GDF1: variants seen among roughly 807,000 people sequenced by gnomAD.
GDF1 encodes the protein embryonic growth/differentiation factor 1.
Under a neutral mutation model 7.4 loss-of-function variants are expected in GDF1, and 8 were observed. That is an observed-to-expected ratio of 1.09 (90% CI 0.64 to 1.96). The LOEUF (loss-of-function observed/expected upper bound fraction) is 1.96. Among genes scored for constraint, GDF1 ranks in the 30% most tolerant of loss-of-function variants. The pLI is 0.00. For missense variants in GDF1, 574 were observed against 551.5 expected (o/e 1.04, Z -0.41); for synonymous variants, 311 against 276.7 (o/e 1.12, Z -1.23).
rs772627907 is a variant in GDF1, at chr19:18,884,118, G to C, written c.-764C>G. 41 of 1,613,538 alleles carry C rather than the reference G, an allele frequency of 2.5e-5. No individual in the cohort carries two copies. Among genetic ancestry groups the C allele is most frequent in the Non-Finnish European group, 3.1e-5 (37 of 1,179,816 alleles). On this transcript the variant is annotated 5_prime_UTR_variant, in exon 3 of 8. Coordinates refer to ENST00000247005, the MANE Select transcript of GDF1 (RefSeq NM_001492.6). ...GCGTAGGAGGAGACGATGAGGATGAGAGTGACCACGTGGTGGAGCAGCATG... is the reference window on the plus strand; with the variant it reads ...GCGTAGGAGGAGACGATGAGGATGACAGTGACCACGTGGTGGAGCAGCATG...
intron 4 of GDF1, 140 bp from the exon 5 acceptor site, chr19:18,879,528 C>T: frequency 3.8e-6 from 4 of 1,044,024 alleles, no homozygotes; most frequent in Non-Finnish European, 4.1e-6. Context: ...TACTACTGCT[C>T]TGTCCTTCCC....
chr19:18,882,359 G>A (rs2056232475), intron 3 of GDF1, among the ~76,000 whole-genome samples: 2 of 151,892 alleles, frequency 1.3e-5, no homozygotes, highest in South Asian at 2.1e-4. Flanking sequence ...CTAACCAGAC[G>A]TGGTGGCTCA....
Position 18,884,205 on chromosome 19 carries a change from A to G in GDF1, c.-851T>C. ...GTAGCGTAGATGGAGTGGCCATAGA[A>G]GCTTCCCTGGAGCAGGTAGGCGGCT... On this transcript the variant is annotated 5_prime_UTR_variant, in exon 3 of 8. Transcript: ENST00000247005. The G allele has an allele frequency of 3.1e-6, 5 of 1,613,474 alleles. No homozygotes were observed. The highest frequency in any genetic ancestry group is 4.2e-6 in the Non-Finnish European group (5 of 1,179,822).
Position 18,878,519 on chromosome 19 carries a change from G to T in GDF1, c.-313+411C>A. The stretch of plus-strand genomic sequence containing the variant: ...AGCCTGGGTTCTCTCTGTGGCCCTT[G>T]GCGTTCCTTCCTCCCCAGCCCCACT... On this transcript the variant is annotated intron_variant, in intron 6 of 7. Transcript: ENST00000247005. The surrounding 1 kb of genome is among the most constrained non-coding windows in gnomAD (Gnocchi z 4.6). The T allele has an allele frequency of 2.0e-6, 2 of 1,017,176 alleles. No homozygotes were observed. The highest frequency in any genetic ancestry group is 2.4e-6 in the Non-Finnish European group (2 of 848,006). 63.0% of individuals were successfully genotyped at this position (1,017,176 alleles called of 1,614,324 possible).
chr19:18,873,840 C>T (rs1438970867), intron 6 of GDF1, among the ~76,000 whole-genome samples: 5 of 132,048 alleles, frequency 3.8e-5, no homozygotes, highest in Admixed American at 7.9e-5. Context: ...GACTCTGTCT[C>T]GAAAAAAAAA....
chr19:18,875,948 C>T (rs2056053254), intron 6 of GDF1, among the ~76,000 whole-genome samples: 1 of 152,228 alleles, frequency 6.6e-6, no homozygotes, highest in South Asian at 2.1e-4. Flanking sequence ...TGATTTTGAA[C>T]ATCTGTCATC....
intron 3 of GDF1, among the ~76,000 whole-genome samples, chr19:18,882,644 T>A (rs1253111503): frequency 1.3e-5 from 2 of 149,196 alleles, no homozygotes; most frequent in African/African-American, 4.9e-5. Context: ...CTCAAAAAAA[T>A]AAGTAAGTAA....
In GDF1 at chr19:18,895,818, A is replaced by G; in HGVS notation, c.-1074+6T>C. 2.4e-6 allele frequency: 3 copies of G among 1,246,858 alleles called. No homozygotes were observed. Among genetic ancestry groups the G allele is most frequent in the Admixed American group, 8.8e-5 (2 of 22,708 alleles). 77.2% of individuals were successfully genotyped at this position (1,246,858 alleles called of 1,614,324 possible). A position where few individuals can be genotyped will look rare whatever the true frequency, so the allele number is the denominator to read the frequency against. On this transcript the variant is annotated splice_donor_region_variant and intron_variant, in intron 1 of 7. Coordinates refer to ENST00000247005, the MANE Select transcript of GDF1 (RefSeq NM_001492.6). The surrounding 1 kb of genome is among the most constrained non-coding windows in gnomAD (Gnocchi z 6.4). ...TCCCCTCGTCCCGGCCCCCGGCCAC[A>G]CTGACCCGAAAGAGGCGCGCAGTGG...
chr19:18,870,670 T>C lies in GDF1; in HGVS notation c.-312-51A>G. On this transcript the variant is annotated intron_variant, in intron 6 of 7. Transcript: ENST00000247005. The surrounding 1 kb of genome is among the most constrained non-coding windows in gnomAD (Gnocchi z 5.1). ...AGCCTGGGAGCCCCACGCGGCCGCC[T>C]GGCCCTCTTTCCCGCTTCTTCTCTG... 1 of 513,082 alleles carries C rather than the reference T, an allele frequency of 1.9e-6. No homozygotes were observed. The highest frequency in any genetic ancestry group is 3.5e-6 in the Non-Finnish European group (1 of 283,422). 31.8% of individuals were successfully genotyped at this position (513,082 alleles called of 1,614,324 possible). A position where few individuals can be genotyped will look rare whatever the true frequency, so the allele number is the denominator to read the frequency against.
At position 18,879,004 on chromosome 19, in the gene GDF1, G is replaced by C. The variant is rs760904047; in HGVS notation, c.-387C>G. ...GCAGGTCCTTCAGCTCGTGCACCTG[G>C]CCTGTCAACACCTTGGCTGCAAACG... On this transcript the variant is annotated 5_prime_UTR_variant, in exon 6 of 8. Transcript: ENST00000247005. The C allele has an allele frequency of 6.8e-6, 11 of 1,613,632 alleles. No individual in the cohort carries two copies. Among genetic ancestry groups the C allele is most frequent in the Non-Finnish European group, 9.3e-6 (11 of 1,179,854 alleles).
rs571678687 is a variant in GDF1, at chr19:18,878,491, T to C, written c.-313+439A>G. The C allele has an allele frequency of 4.0e-6, 4 of 996,970 alleles. No homozygotes were observed. Among genetic ancestry groups the C allele is most frequent in the Non-Finnish European group, 4.8e-6 (4 of 836,346 alleles). The allele number at this position is 996,970 out of a possible 1,614,324, so 61.8% of individuals were successfully genotyped here. ...AGAGGCCAGGATGTCTCGGCCCAGA[T>C]GGAGCCTGGGTTCTCTCTGTGGCCC... On this transcript the variant is annotated intron_variant, in intron 6 of 7. Coordinates refer to ENST00000247005, the MANE Select transcript of GDF1 (RefSeq NM_001492.6). This position sits in a 1 kb window ranked among gnomAD's most constrained non-coding sequence, Gnocchi z 4.6.
In GDF1 at chr19:18,893,486, C is replaced by A. The variant is rs1213908620; in HGVS notation, c.-984G>T. 5 of 1,607,590 alleles carry A rather than the reference C, an allele frequency of 3.1e-6. No homozygotes were observed. The African/African-American group carries it at 5.3e-5, about 17-fold the overall frequency. ...CAAACAGCAGGTAGGCACTGTAGCT[C>A]CAGCTGCCCAGGTAGAAGAGAAACT... On this transcript the variant is annotated 5_prime_UTR_variant, in exon 2 of 8. Transcript: ENST00000247005.
chr19:18,879,534 T>G (rs2056143128), intron 4 of GDF1, 146 bp from the exon 5 acceptor site: 1 of 1,000,238 alleles, frequency 1.0e-6, no homozygotes, highest in Admixed American at 2.7e-5. Flanking sequence ...TGCTCTGTCC[T>G]TCCCCTCCCC....
chr19:18,881,361 C>T (rs1286339040), intron 3 of GDF1, among the ~76,000 whole-genome samples: 1 of 151,902 alleles, frequency 6.6e-6, no homozygotes, highest in Non-Finnish European at 1.5e-5. Context: ...GCTGGCATTA[C>T]AGGTATGTGC....
chr19:18,869,286 G>T lies in GDF1; in HGVS notation c.430C>A (p.Arg144=). Residue 144 remains arginine, a synonymous_variant, in exon 8 of 8, where the codon CGG becomes AGG. Transcript: ENST00000247005. The part of the protein sequence containing the change: ...SAVEPAERPS[R]ARLELRFAAA... The stretch of plus-strand genomic sequence containing the variant: ...GCGAAACGCAGCTCCAGGCGGGCCC[G>T]GCTCGGGCGCTCAGCGGGTTCCACA... 6.6e-7 allele frequency: 1 copy of T among 1,505,830 alleles called. No individual in the cohort carries two copies. Among genetic ancestry groups the T allele is most frequent in the South Asian group, 1.2e-5 (1 of 81,978 alleles). The allele number at this position is 1,505,830 out of a possible 1,614,324, so 93.3% of individuals were successfully genotyped here.
chr19:18,879,276 G>C lies in GDF1; in HGVS notation c.-458C>G. The C allele has an allele frequency of 6.2e-7, 1 of 1,613,556 alleles. No homozygotes were observed. Among genetic ancestry groups the C allele is most frequent in the South Asian group, 1.1e-5 (1 of 90,966 alleles). ...TAGAGGTTCATAAGGGTGAGCAGCA[G>C]CAGGAGCGCATTGAAGAAGAAGTAG... On this transcript the variant is annotated 5_prime_UTR_variant, in exon 5 of 8. Transcript: ENST00000247005.
chr19:18,895,837 G>T lies in GDF1; in HGVS notation c.-1087C>A. ...GGCCACACTGACCCGAAAGAGGCGC[G>T]CAGTGGCCGCGGAGCGCAGGGCGGT... On this transcript the variant is annotated 5_prime_UTR_variant, in exon 1 of 8. Coordinates refer to ENST00000247005, the MANE Select transcript of GDF1 (RefSeq NM_001492.6). This position sits in a 1 kb window ranked among gnomAD's most constrained non-coding sequence, Gnocchi z 6.4. 1 of 1,295,534 alleles carries T rather than the reference G, an allele frequency of 7.7e-7. No homozygotes were observed. Among genetic ancestry groups the T allele is most frequent in the Non-Finnish European group, 9.8e-7 (1 of 1,021,474 alleles). 80.3% of individuals were successfully genotyped at this position (1,295,534 alleles called of 1,614,324 possible). A position where few individuals can be genotyped will look rare whatever the true frequency, so the allele number is the denominator to read the frequency against.
Position 18,893,410 on chromosome 19 carries a change from C to T in GDF1, c.-914+6G>A, listed in dbSNP as rs1221666397. On this transcript the variant is annotated splice_donor_region_variant and intron_variant, in intron 2 of 7. Transcript: ENST00000247005. ...GCCCTCCCGGCCATCCCCTCAGGGC[C>T]CCTACCGTAGAAGACAGATGGTGGG... 4 of 1,599,252 alleles carry T rather than the reference C, an allele frequency of 2.5e-6. No individual in the cohort carries two copies. In the Admixed American group the frequency reaches 5.2e-5, roughly 21 times the overall value.
At chr19:18,885,554 C>T (rs1287978087) in intron 2 of GDF1, among the ~76,000 whole-genome samples, 2 of 137,722 alleles carry the variant, frequency 1.5e-5, no homozygotes, top group East Asian at 4.4e-4. Flanking sequence ...GAGTCTTGCT[C>T]TGTAGCCCAG....
Sources: gnomAD v4.1 joint callset for allele counts (sites outside exome capture counted in the v4.1 genomes callset) on GRCh38, gnomAD v4.1.1 for gene constraint, Gnocchi (gnomAD v3.1) non-coding constraint, MANE v1.5 for transcripts, NCBI Gene and HGNC (gene_info 2026-07-23, HGNC 2026-07-21) for gene names.